The following KIAA1958 variants were observed in gnomAD, a reference collection of about 807,000 sequenced individuals.
KIAA1958 encodes KIAA1958.
A neutral mutation model predicts 47.2 loss-of-function variants in KIAA1958; 14 were observed. The observed-to-expected ratio is 0.30, with a 90% CI of 0.20 to 0.46. The LOEUF is 0.46. KIAA1958 is among the 20% of genes least tolerant of loss of function. The probability of loss-of-function intolerance (pLI) is 1.00; values close to 1 mark genes in which losing one functional copy is unlikely to be tolerated. For synonymous variants in KIAA1958, 354 were observed against 353.3 expected (o/e 1.00, Z -0.02); for missense variants, 803 against 909.2 (o/e 0.88, Z 1.50).
At chr9:112,567,031 G>A (rs926594714) in intron 1 of KIAA1958, among the ~76,000 whole-genome samples, 2 of 152,092 alleles carry the variant, frequency 1.3e-5, no homozygotes, top group African/African-American at 2.4e-5. Context: ...ATAGAATTAA[G>A]GACCTTCCAA....
chr9:112,664,119 G>A lies in KIAA1958; in HGVS notation c.*4050G>A, dbSNP rs919401165. The stretch of plus-strand genomic sequence containing the variant: ...CTCAAGTTCATATTAATTAGGAAGT[G>A]GCAGAGCTAGGACACAAAATTCCTA... On this transcript the variant is annotated 3_prime_UTR_variant, in exon 4 of 4. Transcript: ENST00000337530. 9 of 152,250 alleles carry A rather than the reference G, an allele frequency of 5.9e-5. No individual in the cohort carries two copies. Among genetic ancestry groups the A allele is most frequent in the Non-Finnish European group, 1.0e-4 (7 of 68,048 alleles). The allele number at this position is 152,250 out of a possible 1,614,324, so 9.4% of individuals were successfully genotyped here.
At chr9:112,570,469 G>A (rs1310861431) in intron 1 of KIAA1958, among the ~76,000 whole-genome samples, 1 of 152,212 alleles carries the variant, frequency 6.6e-6, no homozygotes, top group Admixed American at 6.5e-5. Context: ...CTATCCATCT[G>A]AAAGTCTGCT....
At chr9:112,567,998 A>G (rs1427355820) in intron 1 of KIAA1958, among the ~76,000 whole-genome samples, 3 of 151,040 alleles carry the variant, frequency 2.0e-5, no homozygotes, top group Admixed American at 6.6e-5. Context: ...CGAAAATACA[A>G]TTCTGGAAAA....
At chr9:112,517,280 T>C (rs1834454913) in intron 1 of KIAA1958, among the ~76,000 whole-genome samples, 1 of 152,226 alleles carries the variant, frequency 6.6e-6, no homozygotes, top group South Asian at 2.1e-4. Flanking sequence ...TGACAAGGTA[T>C]TCAGTGGAAA....
At chr9:112,592,293 C>T (rs563011363) in intron 2 of KIAA1958, among the ~76,000 whole-genome samples, 8 of 152,182 alleles carry the variant, frequency 5.3e-5, no homozygotes, top group Non-Finnish European at 7.4e-5. Context: ...TGCCTGAGCC[C>T]GGGAGGTTGA....
At chr9:112,585,398 T>C (rs1474938328) in intron 2 of KIAA1958, among the ~76,000 whole-genome samples, 1 of 152,160 alleles carries the variant, frequency 6.6e-6, no homozygotes, top group Non-Finnish European at 1.5e-5. Context: ...GCAAAGATGT[T>C]AGAGAAGCAA....
At chr9:112,532,349 T>C (rs1248122742) in intron 1 of KIAA1958, among the ~76,000 whole-genome samples, 1 of 152,254 alleles carries the variant, frequency 6.6e-6, no homozygotes, top group East Asian at 1.9e-4. Flanking sequence ...GATACTTTTC[T>C]TTTCAGTTTA....
intron 2 of KIAA1958, among the ~76,000 whole-genome samples, chr9:112,602,185 A>G (rs1000434800): frequency 1.3e-5 from 2 of 152,204 alleles, no homozygotes; most frequent in Admixed American, 6.5e-5. Context: ...GGTTGTTACA[A>G]TTAATTTTCC....
At chr9:112,582,857 C>A (rs1188899218) in intron 2 of KIAA1958, among the ~76,000 whole-genome samples, 5 of 152,168 alleles carry the variant, frequency 3.3e-5, no homozygotes, top group Admixed American at 6.5e-5. Context: ...GTGACATGGA[C>A]ATGGCTGTCA....
chr9:112,515,945 T>C (rs1306031573), intron 1 of KIAA1958, among the ~76,000 whole-genome samples: 1 of 124,680 alleles, frequency 8.0e-6, no homozygotes, highest in Non-Finnish European at 1.7e-5. Flanking sequence ...ATCAAGAACA[T>C]TCAGCTTTGT....
chr9:112,593,447 A>AG lies in KIAA1958; in HGVS notation c.1171+18202dup, dbSNP rs533885634. Among the ~76,000 whole-genome samples, 404 of 152,352 alleles carry AG rather than the reference A, an allele frequency of 2.7e-3. 8 individuals are homozygous for AG. The highest frequency in any genetic ancestry group is 0.023 in the Admixed American group (356 of 15,298). ...CAGCTGGACCACATGCCCACCTTTT[A>AG]GGGGGGCTTAGATTACTGGTCTAAA... On this transcript the variant is annotated intron_variant, in intron 2 of 3. Transcript: ENST00000337530.
intron 1 of KIAA1958, among the ~76,000 whole-genome samples, chr9:112,524,792 A>C (rs1286487201): frequency 6.6e-6 from 1 of 152,196 alleles, no homozygotes; most frequent in Non-Finnish European, 1.5e-5. Flanking sequence ...GAGGATTAGC[A>C]AGTCTTTAAT....
chr9:112,599,735 C>T (rs1418909109), intron 2 of KIAA1958, among the ~76,000 whole-genome samples: 1 of 152,174 alleles, frequency 6.6e-6, no homozygotes, highest in Non-Finnish European at 1.5e-5. Context: ...AGTTAAAAAA[C>T]AAGATTCTTT....
chr9:112,550,823 C>T (rs1287101945), intron 1 of KIAA1958, among the ~76,000 whole-genome samples: 2 of 152,268 alleles, frequency 1.3e-5, no homozygotes, highest in Middle Eastern at 3.4e-3. Context: ...TGAACCTGTG[C>T]GACTGACCTT....
rs113402469 is a variant in KIAA1958 at position 112,587,275 on chromosome 9, A to G, written c.1171+12024A>G. On this transcript the variant is annotated intron_variant, in intron 2 of 3. Transcript: ENST00000337530. ...AGCAATTCTCATACCTCAGCCTCCT[A>G]AGTAGCTGGGATTACAGGCATGCGC... 5.2e-3 allele frequency among the ~76,000 whole-genome samples: 798 copies of G among 152,098 alleles called. 10 individuals are homozygous for G. The highest frequency in any genetic ancestry group is 0.018 in the African/African-American group (761 of 41,490).
intron 2 of KIAA1958, among the ~76,000 whole-genome samples, chr9:112,605,748 T>C (rs1455805452): frequency 2.6e-5 from 4 of 152,180 alleles, no homozygotes; most frequent in Non-Finnish European, 5.9e-5. Flanking sequence ...TTGCAGGAAC[T>C]TCTCATATGC....
At chr9:112,487,590 A>G (rs777202690) in intron 1 of KIAA1958, among the ~76,000 whole-genome samples, 4 of 152,080 alleles carry the variant, frequency 2.6e-5, no homozygotes, top group Non-Finnish European at 5.9e-5. Flanking sequence ...GCTCTGCCCC[A>G]CTAGTTTTCC....
chr9:112,584,456 CATT>C (rs1835788638), intron 2 of KIAA1958, among the ~76,000 whole-genome samples: 1 of 152,130 alleles, frequency 6.6e-6, no homozygotes, highest in East Asian at 1.9e-4. Context: ...GGCATTGTAA[CATT>C]ATTGCTGTTA....
chr9:112,530,242 G>T (rs935332985), intron 1 of KIAA1958, among the ~76,000 whole-genome samples: 11 of 152,128 alleles, frequency 7.2e-5, no homozygotes, highest in Non-Finnish European at 8.8e-5. Context: ...ATATCAATAT[G>T]AATTCTTATT....
Sources: allele counts gnomAD v4.1 joint callset (sites outside exome capture counted in the v4.1 genomes callset), GRCh38; gene constraint gnomAD v4.1.1; transcripts MANE v1.5; gene names NCBI Gene and HGNC (gene_info 2026-07-23, HGNC 2026-07-21).